Variants in ARL13B observed in about 807,000 individuals in gnomAD.
The protein encoded by ARL13B is ARF like GTPase 13B.
In ARL13B, 36 loss-of-function variants were observed where a neutral mutation model predicts 56.1. That is an observed-to-expected ratio of 0.64 (90% confidence interval 0.49 to 0.85). The LOEUF is 0.85. ARL13B is among the 40% of genes least tolerant of loss of function. The probability of loss-of-function intolerance (pLI) is 0.00; values close to 1 mark genes in which losing one functional copy is unlikely to be tolerated. For missense variants in ARL13B, 519 were observed against 507.1 expected (o/e 1.02, Z -0.23); for synonymous variants, 178 against 171.1 (o/e 1.04, Z -0.32).
At chr3:94,002,901 G>A (rs956697734) in intron 2 of ARL13B, among the ~76,000 whole-genome samples, 17 of 151,898 alleles carry the variant, frequency 1.1e-4, no homozygotes, top group Non-Finnish European at 2.2e-4. Flanking sequence ...TTCCTCTTCT[G>A]CCTGTTTAAA....
At position 94,053,302 on chromosome 3, in the gene ARL13B, T is replaced by A. The variant is rs764756674; in HGVS notation, c.*39T>A. 6 of 1,532,294 alleles carry A rather than the reference T, an allele frequency of 3.9e-6. No homozygotes were observed. The African/African-American group carries it at 8.2e-5, about 21-fold the overall frequency. 94.9% of individuals were successfully genotyped at this position (1,532,294 alleles called of 1,614,324 possible). A position where few individuals can be genotyped will look rare whatever the true frequency, so the allele number is the denominator to read the frequency against. On this transcript the variant is annotated 3_prime_UTR_variant, in exon 10 of 10. Transcript: ENST00000394222. ...AGGAGTTCTCTTAATATCAGCAAGG[T>A]GAACTGGGACATTCTTCTTTCTCAG...
chr3:93,997,252 G>A (rs983413302), intron 2 of ARL13B, among the ~76,000 whole-genome samples: 25 of 152,050 alleles, frequency 1.6e-4, no homozygotes, highest in Admixed American at 1.5e-3. Flanking sequence ...TCCAGTCCAT[G>A]GAAAAATTGT....
In ARL13B at chr3:94,036,767, A is replaced by ACC; in HGVS notation, c.689+13_689+14insCC. The ACC allele has an allele frequency of 6.2e-7, 1 of 1,601,466 alleles. No homozygotes were observed. The highest frequency in any genetic ancestry group is 8.5e-7 in the Non-Finnish European group (1 of 1,173,580). On this transcript the variant is annotated intron_variant, in intron 5 of 9. Coordinates refer to ENST00000394222, the MANE Select transcript of ARL13B (RefSeq NM_001174150.2). ...TACGAGAAGAAAGGTAAGTAGATTA[A>ACC]TTTTGTACCACAGTGCATTTGAAGG...
intron 2 of ARL13B, chr3:93,996,407 A>G (rs922357962): frequency 1.3e-4 from 23 of 172,546 alleles, no homozygotes; most frequent in Non-Finnish European, 1.6e-4. Context: ...AATTAAATCT[A>G]TATCATTAAA....
At chr3:94,004,411 G>A (rs527239189) in intron 3 of ARL13B, among the ~76,000 whole-genome samples, 5 of 152,058 alleles carry the variant, frequency 3.3e-5, no homozygotes, top group East Asian at 1.9e-4. Flanking sequence ...ATATGATTTC[G>A]TCCATGTGGG....
intron 6 of ARL13B, among the ~76,000 whole-genome samples, chr3:94,042,387 TTC>T (rs1372355721): frequency 6.6e-6 from 1 of 152,184 alleles, no homozygotes; most frequent in Non-Finnish European, 1.5e-5. Context: ...ATTAGGATGA[TTC>T]TGTTTTTTAA....
intron 3 of ARL13B, among the ~76,000 whole-genome samples, chr3:94,033,747 A>G (rs2076716666): frequency 6.6e-6 from 1 of 152,218 alleles, no homozygotes; most frequent in South Asian, 2.1e-4. Flanking sequence ...GACATTATAT[A>G]AAAGTGATAT....
In ARL13B at chr3:94,054,479, AAAAC is replaced by A. The variant is rs1196474867; in HGVS notation, c.*1221_*1224del. The A allele has an allele frequency of 2.8e-6, 1 of 358,452 alleles. No homozygotes were observed. Among genetic ancestry groups the A allele is most frequent in the Non-Finnish European group, 5.4e-6 (1 of 185,408 alleles). The allele number at this position is 358,452 out of a possible 1,614,324, so 22.2% of individuals were successfully genotyped here. A position where few individuals can be genotyped will look rare whatever the true frequency, so the allele number is the denominator to read the frequency against. On this transcript the variant is annotated 3_prime_UTR_variant, in exon 10 of 10. Transcript: ENST00000394222. ...AGATTCATAATGTTACATTTAATTG[AAAAC>A]AAACCTTTATATCCAATGAAAATAG...
At chr3:93,981,096 T>G (rs1045403114) in intron 1 of ARL13B, among the ~76,000 whole-genome samples, 3 of 152,220 alleles carry the variant, frequency 2.0e-5, no homozygotes. Flanking sequence ...TAGTAAAACC[T>G]TTTAATTGAA....
intron 3 of ARL13B, among the ~76,000 whole-genome samples, chr3:94,025,319 G>C (rs2076532960): frequency 6.6e-6 from 1 of 151,558 alleles, no homozygotes; most frequent in East Asian, 1.9e-4. Context: ...CATGGAAATA[G>C]AATCAGGTTT....
chr3:94,036,413 G>T, intron 4 of ARL13B, 139 bp from the exon 5 acceptor site: 1 of 812,550 alleles, frequency 1.2e-6, no homozygotes, highest in Non-Finnish European at 2.0e-6. Flanking sequence ...GCTATGTTTT[G>T]GAAGTTAAAT....
At chr3:93,989,950 G>T (rs1157273904) in intron 1 of ARL13B, among the ~76,000 whole-genome samples, 14 of 152,058 alleles carry the variant, frequency 9.2e-5, no homozygotes, top group African/African-American at 3.4e-4. Context: ...TTCTGGAAAG[G>T]TTACATCATT....
chr3:94,008,103 C>T (rs1243992786), intron 3 of ARL13B, among the ~76,000 whole-genome samples: 1 of 152,030 alleles, frequency 6.6e-6, no homozygotes, highest in Non-Finnish European at 1.5e-5. Context: ...TGGCATGAAC[C>T]AGAACCAATT....
At chr3:94,042,387 T>A (rs2076878485) in intron 6 of ARL13B, among the ~76,000 whole-genome samples, 1 of 152,184 alleles carries the variant, frequency 6.6e-6, no homozygotes, top group South Asian at 2.1e-4. Flanking sequence ...ATTAGGATGA[T>A]TCTGTTTTTT....
At position 94,029,330 on chromosome 3, in the gene ARL13B, A is replaced by ATT. The variant is rs1559997668; in HGVS notation, c.381-6000_381-5999insTT. Among the ~76,000 whole-genome samples the ATT allele has an allele frequency of 1.7e-4, 12 of 71,222 alleles. 1 individual carries two copies. The highest frequency in any genetic ancestry group is 2.4e-4 in the Non-Finnish European group (9 of 37,162). The allele number at this position is 71,222 out of a possible 152,430, so 46.7% of individuals were successfully genotyped here. Reference sequence around the variant, plus strand: ...TATATATATATATATATATATATATATATATTTATTTTTTTTTTATTTTTT... The same window carrying ATT: ...TATATATATATATATATATATATATATTTATATTTATTTTTTTTTTATTTTTT... On this transcript the variant is annotated intron_variant, in intron 3 of 9. Coordinates refer to ENST00000394222, the MANE Select transcript of ARL13B (RefSeq NM_001174150.2).
chr3:94,018,144 C>G (rs1293871719), intron 3 of ARL13B, among the ~76,000 whole-genome samples: 1 of 152,144 alleles, frequency 6.6e-6, no homozygotes, highest in East Asian at 1.9e-4. Flanking sequence ...GCCATCTGTT[C>G]GCCTTGTCCT....
intron 1 of ARL13B, chr3:93,988,647 T>C (rs1463739027): frequency 2.6e-5 from 13 of 497,798 alleles, no homozygotes. Context: ...CAGACTTGGC[T>C]TCTTTCTCTC....
At chr3:94,002,468 CT>C in intron 2 of ARL13B, among the ~76,000 whole-genome samples, 1 of 152,268 alleles carries the variant, frequency 6.6e-6, no homozygotes, top group South Asian at 2.1e-4. Context: ...CCTCGTGTGG[CT>C]TGTGGCTTTT....
chr3:94,008,686 A>G (rs2076172859), intron 3 of ARL13B, among the ~76,000 whole-genome samples: 2 of 152,164 alleles, frequency 1.3e-5, no homozygotes, highest in South Asian at 2.1e-4. Context: ...AGTTGGCCTC[A>G]GAGAGATAAT....
Sources: gnomAD v4.1 joint callset for allele counts (sites outside exome capture counted in the v4.1 genomes callset) on GRCh38, gnomAD v4.1.1 for gene constraint, MANE v1.5 for transcripts, NCBI Gene and HGNC (gene_info 2026-07-23, HGNC 2026-07-21) for gene names.